AKAP9: variants seen among roughly 807,000 people sequenced by gnomAD.
The protein encoded by AKAP9 is A-kinase anchor protein 9.
In AKAP9, 311 loss-of-function variants were observed where a neutral mutation model predicts 488.5. The ratio of observed to expected loss-of-function variants is 0.64; its 90% CI spans 0.58 to 0.70. AKAP9 has a LOEUF of 0.70. Ranked by LOEUF, AKAP9 falls within the 30% of genes least tolerant of loss-of-function variation. The pLI, the probability that AKAP9 is intolerant of heterozygous loss-of-function variation, is 0.00. For synonymous variants in AKAP9, 1,462 were observed against 1,483.5 expected (o/e 0.99, Z 0.33); for missense variants, 4,215 against 4,374.5 (o/e 0.96, Z 1.03).
chr7:91,986,710 C>A (rs1400763381), intron 3 of AKAP9, among the ~76,000 whole-genome samples: 1 of 151,818 alleles, frequency 6.6e-6, no homozygotes, highest in East Asian at 1.9e-4. Context: ...TTATCAGGTT[C>A]CAAAAAATGT....
In AKAP9 at chr7:92,086,318, A is replaced by T; in HGVS notation, c.9115A>T (p.Ser3039Cys). The change falls in exon 37 of 50, where the codon AGT becomes TGT. Residue 3039 changes from serine to cysteine, a missense_variant. Ser to Cys is a moderately radical substitution (Grantham distance 112, BLOSUM62 -1). Transcript: ENST00000356239. ...ALQQVFLEER[S>C]VLLAAFRTEL... The stretch of plus-strand genomic sequence containing the variant: ...TCAACAAGTTTTCTTAGAAGAGCGT[A>T]GTGTTTTACTAGCAGCATTTCGGAC... 1 of 1,614,054 alleles carries T rather than the reference A, an allele frequency of 6.2e-7. No homozygotes were observed. The highest frequency in any genetic ancestry group is 8.5e-7 in the Non-Finnish European group (1 of 1,179,982).
At chr7:92,028,295 T>TAAA (rs57352733) in intron 14 of AKAP9, among the ~76,000 whole-genome samples, 4 of 65,058 alleles carry the variant, frequency 6.1e-5, no homozygotes, top group Non-Finnish European at 7.9e-5. Flanking sequence ...CAATAAATAC[T>TAAA]AAAAAAAAAA....
chr7:92,045,126 A>C lies in AKAP9; in HGVS notation c.5281A>C (p.Ser1761Arg). 1 of 1,613,856 alleles carries C rather than the reference A, an allele frequency of 6.2e-7. No homozygotes were observed. Among genetic ancestry groups the C allele is most frequent in the Non-Finnish European group, 8.5e-7 (1 of 1,179,972 alleles). Residue 1761 changes from serine (S) to arginine (R), a missense_variant, in exon 21 of 50, where the codon AGT (serine) becomes CGT (arginine). Around this residue, in one of 5 missense-constraint regions of AKAP9, gnomAD observed 2,361 missense variants for 2,430.0 expected, o/e 0.97. Coordinates refer to ENST00000356239, the MANE Select transcript of AKAP9 (RefSeq NM_005751.5). ...RHVLGILDRSSKSQSSASLIW... is the reference protein window; with the variant it reads ...RHVLGILDRSRKSQSSASLIW... ...TGTCCTTGGGATTCTAGATAGATCT[A>C]GTAAAAGCCAGTCATCTGCCAGCCT...
Position 92,022,808 on chromosome 7 carries a change from A to T in AKAP9, c.3953-6A>T. The T allele has an allele frequency of 6.4e-7, 1 of 1,554,768 alleles. No individual in the cohort carries two copies. Among genetic ancestry groups the T allele is most frequent in the Non-Finnish European group, 8.9e-7 (1 of 1,129,056 alleles). On this transcript the variant is annotated splice_polypyrimidine_tract_variant and splice_region_variant and intron_variant, in intron 13 of 49. Coordinates refer to ENST00000356239, the MANE Select transcript of AKAP9 (RefSeq NM_005751.5). ...TGTGCATTTTTTGTCTCTTTATATA[A>T]CATAGATGTCAATCATAAAAGCAAG...
intron 3 of AKAP9, among the ~76,000 whole-genome samples, chr7:91,991,947 TA>T: frequency 6.6e-6 from 1 of 152,224 alleles, no homozygotes; most frequent in Non-Finnish European, 1.5e-5. Context: ...TTTTGCATTG[TA>T]AGCACTCAGA....
At chr7:91,991,755 G>A (rs2130632565) in intron 3 of AKAP9, among the ~76,000 whole-genome samples, 1 of 152,342 alleles carries the variant, frequency 6.6e-6, no homozygotes, top group Middle Eastern at 3.4e-3. Flanking sequence ...ACAGGCGTGA[G>A]CCACCACACC....
In AKAP9 at chr7:92,052,707, T is replaced by C; in HGVS notation, c.5369-19T>C. The C allele has an allele frequency of 1.3e-6, 2 of 1,542,560 alleles. No homozygotes were observed. Among genetic ancestry groups the C allele is most frequent in the South Asian group, 2.3e-5 (2 of 88,146 alleles). On this transcript the variant is annotated intron_variant, in intron 21 of 49. Coordinates refer to ENST00000356239, the MANE Select transcript of AKAP9 (RefSeq NM_005751.5). ...GATTATTATAATTAATTTATGCCTT[T>C]AAAACACTGTTATTCTAGTTACAGA...
intron 30 of AKAP9, 131 bp downstream of exon 30, chr7:92,078,006 AT>A (rs923794280): frequency 3.6e-4 from 223 of 611,086 alleles, no homozygotes; most frequent in Non-Finnish European, 2.9e-4. Flanking sequence ...TATTTTATTT[AT>A]TTTTTTTGAG....
chr7:92,099,760 CAG>C lies in AKAP9; in HGVS notation c.10788_10789del (p.Gly3597AlafsTer7). On this transcript the variant is annotated frameshift_variant, in exon 44 of 50. Transcript: ENST00000356239. LOFTEE classifies it high-confidence loss of function. Reference sequence around the variant, plus strand: ...CTACTGAGACAAAATGCTGAGCTGACAGGGCATATCAGTCAACTGACTGAAGA... The same window carrying C: ...CTACTGAGACAAAATGCTGAGCTGACGGCATATCAGTCAACTGACTGAAGA... 6.2e-7 allele frequency: 1 copy of C among 1,614,104 alleles called. No homozygotes were observed. The highest frequency in any genetic ancestry group is 8.5e-7 in the Non-Finnish European group (1 of 1,180,006).
intron 14 of AKAP9, among the ~76,000 whole-genome samples, chr7:92,029,624 A>C (rs1803892361): frequency 1.3e-5 from 2 of 152,248 alleles, no homozygotes; most frequent in African/African-American, 4.8e-5. Flanking sequence ...TTTCCAAAAA[A>C]ACAGTCGGTA....
intron 1 of AKAP9, among the ~76,000 whole-genome samples, chr7:91,960,249 G>A (rs1028514561): frequency 6.6e-6 from 1 of 152,230 alleles, no homozygotes; most frequent in South Asian, 2.1e-4. Flanking sequence ...GAGTATATTT[G>A]TTTCATCGTG....
In AKAP9 at chr7:92,033,442, C is replaced by CTT. The variant is rs35497475; in HGVS notation, c.4338+1858_4338+1859dup. ...AGCCATTTTTCTTTTCTTTTCTTTTCTTTTTTTTTTTTTTTTTTTTTGAGA... is the reference window on the plus strand; with the variant it reads ...AGCCATTTTTCTTTTCTTTTCTTTTCTTTTTTTTTTTTTTTTTTTTTTTGAGA... On this transcript the variant is annotated intron_variant, in intron 16 of 49. Transcript: ENST00000356239. Among the ~76,000 whole-genome samples, 706 of 107,306 alleles carry CTT rather than the reference C, an allele frequency of 6.6e-3. 4 individuals carry two copies. Among genetic ancestry groups the CTT allele is most frequent in the South Asian group, 0.026 (82 of 3,212 alleles). 70.4% of individuals were successfully genotyped at this position (107,306 alleles called of 152,430 possible).
At chr7:92,108,381 A>G in intron 48 of AKAP9, 113 bp from the exon 49 acceptor site, 1 of 975,726 alleles carries the variant, frequency 1.0e-6, no homozygotes, top group East Asian at 2.4e-5. Flanking sequence ...GAGGAGATAC[A>G]TTATGTGTGT....
At chr7:92,011,285 A>G (rs899967005) in intron 8 of AKAP9, among the ~76,000 whole-genome samples, 1 of 152,232 alleles carries the variant, frequency 6.6e-6, no homozygotes, top group Non-Finnish European at 1.5e-5. Context: ...GAGATAAAGA[A>G]TATGAAAACT....
chr7:92,106,019 A>G (rs1464311645), intron 47 of AKAP9, among the ~76,000 whole-genome samples: 1 of 152,276 alleles, frequency 6.6e-6, no homozygotes, highest in Non-Finnish European at 1.5e-5. Flanking sequence ...ATGAGAATCT[A>G]ACTAATGCCT....
At chr7:92,071,343 C>T (rs1381543242) in intron 28 of AKAP9, among the ~76,000 whole-genome samples, 1 of 150,688 alleles carries the variant, frequency 6.6e-6, no homozygotes, top group African/African-American at 2.4e-5. Context: ...TCCCTTTTCT[C>T]CTAACCGTAG....
chr7:92,079,979 G>A lies in AKAP9; in HGVS notation c.7846G>A (p.Val2616Ile). 3.8e-6 allele frequency: 6 copies of A among 1,581,504 alleles called. No individual in the cohort carries two copies. Among genetic ancestry groups the A allele is most frequent in the Non-Finnish European group, 5.1e-6 (6 of 1,168,998 alleles). Residue 2616 changes from valine to isoleucine, a missense_variant, in exon 31 of 50, where the codon GTT becomes ATT. Transcript: ENST00000356239. ...AATATCAGAATTAGAAAGCCAGGTTGTTGAAATGCATACTAGTTTGATTTT... is the reference window on the plus strand; with the variant it reads ...AATATCAGAATTAGAAAGCCAGGTTATTGAAATGCATACTAGTTTGATTTT... ...LRISELESQV[V>I]EMHTSLILEK...
chr7:92,084,456 C>T (rs1382020084), intron 33 of AKAP9, among the ~76,000 whole-genome samples, 184 bp from the exon 34 acceptor site: 9 of 150,984 alleles, frequency 6.0e-5, no homozygotes, highest in Non-Finnish European at 8.8e-5. Context: ...ATGAGTATCT[C>T]TTCTTATGGT....
chr7:91,987,615 G>T (rs1265734685), intron 3 of AKAP9, among the ~76,000 whole-genome samples: 1 of 152,104 alleles, frequency 6.6e-6, no homozygotes, highest in African/African-American at 2.4e-5. Context: ...TGTTTGATAT[G>T]TGTCATCAAA....
Sources: gnomAD v4.1 joint callset for allele counts (sites outside exome capture counted in the v4.1 genomes callset) on GRCh38, gnomAD v4.1.1 for gene constraint, gnomAD v4.1.1 regional missense constraint, MANE v1.5 for transcripts, NCBI Gene and HGNC (gene_info 2026-07-23, HGNC 2026-07-21) for gene names.